Variants in ADGRL2 observed in about 807,000 individuals in gnomAD.
The protein encoded by ADGRL2 is calcium-independent alpha-latrotoxin receptor 2.
In ADGRL2, 44 loss-of-function variants were observed where a neutral mutation model predicts 157.4. The ratio of observed to expected loss-of-function variants is 0.28; its 90% CI spans 0.22 to 0.36. The LOEUF is 0.36. ADGRL2 is among the 10% of genes least tolerant of loss of function. ADGRL2 has a pLI of 1.00. For missense variants in ADGRL2, 1,510 were observed against 1,768.9 expected (o/e 0.85, Z 2.63); for synonymous variants, 585 against 624.7 (o/e 0.94, Z 0.95).
rs1056383208 is a variant in ADGRL2, at chr1:81,522,316, A to G, written c.-247-58560A>G. 2.0e-5 allele frequency among the ~76,000 whole-genome samples: 3 copies of G among 152,144 alleles called. No individual in the cohort carries two copies. In the East Asian group the frequency reaches 5.8e-4, roughly 29 times the overall value. On this transcript the variant is annotated intron_variant, in intron 2 of 24. Transcript: ENST00000370721. Reference sequence around the variant, plus strand: ...TTAATAAAATCAGTGCTAGGAATTGATGGAGTGGTTAGAATCAAGAAATTT... The same window carrying G: ...TTAATAAAATCAGTGCTAGGAATTGGTGGAGTGGTTAGAATCAAGAAATTT...
chr1:81,347,322 AC>A (rs1455819141), intron 1 of ADGRL2, among the ~76,000 whole-genome samples: 1 of 151,760 alleles, frequency 6.6e-6, no homozygotes, highest in East Asian at 1.9e-4. Flanking sequence ...AATCGCTTGA[AC>A]CCGGGAAGCA....
chr1:81,629,211 A>G (rs2081965408), intron 3 of ADGRL2, among the ~76,000 whole-genome samples: 2 of 152,216 alleles, frequency 1.3e-5, no homozygotes, highest in African/African-American at 4.8e-5. Flanking sequence ...AAATAGTAAT[A>G]AAAATAAAGG....
chr1:81,717,107 C>T (rs950054993), intron 1 of ADGRL2, among the ~76,000 whole-genome samples: 2 of 152,202 alleles, frequency 1.3e-5, no homozygotes, highest in Admixed American at 1.3e-4. Flanking sequence ...GTCATGTTGT[C>T]TCCATTTTCT....
chr1:81,594,830 A>C (rs1331937363), intron 3 of ADGRL2, among the ~76,000 whole-genome samples: 2 of 152,254 alleles, frequency 1.3e-5, no homozygotes, highest in Non-Finnish European at 2.9e-5. Context: ...AATCATTTTC[A>C]GTCCAAATGT....
intron 1 of ADGRL2, among the ~76,000 whole-genome samples, chr1:81,390,389 G>T (rs1476442989): frequency 9.8e-5 from 15 of 152,294 alleles, no homozygotes; most frequent in African/African-American, 3.6e-4. Flanking sequence ...TGCACAAAAA[G>T]GCACGAACCA....
At chr1:81,526,242 AGAATAACTTTT>A (rs57398628) in intron 2 of ADGRL2, among the ~76,000 whole-genome samples, 10,492 of 152,262 alleles carry the variant, frequency 0.069, 547 homozygotes, top group East Asian at 0.29. Context: ...ACAGGCATGC[AGAATAACTTTT>A]GAACCTATGG....
chr1:81,684,102 A>T (rs1174667314), intron 3 of ADGRL2, among the ~76,000 whole-genome samples: 1 of 152,198 alleles, frequency 6.6e-6, no homozygotes, highest in East Asian at 1.9e-4. Context: ...GGCGTGAGCC[A>T]CTGCGCCCGG....
intron 1 of ADGRL2, among the ~76,000 whole-genome samples, chr1:81,320,578 AT>A (rs879835785): frequency 4.6e-5 from 7 of 152,336 alleles, no homozygotes; most frequent in Admixed American, 4.6e-4. Flanking sequence ...GAAAAACAAC[AT>A]TCATTTCTTT....
At chr1:81,376,883 T>C (rs932645527) in intron 1 of ADGRL2, among the ~76,000 whole-genome samples, 2 of 152,186 alleles carry the variant, frequency 1.3e-5, no homozygotes, top group Non-Finnish European at 2.9e-5. Context: ...TCATGACTTT[T>C]TGTATTTATC....
chr1:81,676,502 T>C (rs1446285835), intron 3 of ADGRL2, among the ~76,000 whole-genome samples: 3 of 151,982 alleles, frequency 2.0e-5, no homozygotes, highest in South Asian at 4.2e-4. Flanking sequence ...TATTTCACTA[T>C]GTTGACTAGG....
intron 2 of ADGRL2, among the ~76,000 whole-genome samples, chr1:81,888,509 G>A (rs919983721): frequency 1.3e-5 from 2 of 151,906 alleles, no homozygotes; most frequent in Non-Finnish European, 2.9e-5. Flanking sequence ...GTGCAATCTC[G>A]CTCACTGCAA....
chr1:81,498,613 C>A (rs2078778599), intron 2 of ADGRL2, among the ~76,000 whole-genome samples: 1 of 152,144 alleles, frequency 6.6e-6, no homozygotes, highest in Non-Finnish European at 1.5e-5. Context: ...AGAGAGTTAA[C>A]ACTATGACAT....
At chr1:81,694,267 T>A (rs1426883982) in intron 3 of ADGRL2, among the ~76,000 whole-genome samples, 1 of 152,172 alleles carries the variant, frequency 6.6e-6, no homozygotes, top group Non-Finnish European at 1.5e-5. Context: ...AGTCTCCAGA[T>A]TCTACCTGAA....
At chr1:81,665,925 G>A (rs1179329759) in intron 3 of ADGRL2, among the ~76,000 whole-genome samples, 1 of 152,070 alleles carries the variant, frequency 6.6e-6, no homozygotes, top group African/African-American at 2.4e-5. Context: ...AAGTGTTCTC[G>A]TGAATGAGCT....
chr1:81,486,721 C>CA (rs1418193102), intron 2 of ADGRL2, among the ~76,000 whole-genome samples: 1 of 152,104 alleles, frequency 6.6e-6, no homozygotes, highest in African/African-American at 2.4e-5. Context: ...TTGAACAGCA[C>CA]ATGAAAATGT....
At chr1:81,779,620 A>G (rs1243779994) in intron 2 of ADGRL2, among the ~76,000 whole-genome samples, 1 of 152,108 alleles carries the variant, frequency 6.6e-6, no homozygotes, top group African/African-American at 2.4e-5. Flanking sequence ...TATCTTTTGC[A>G]TATGCTGTTT....
At chr1:81,869,998 G>A (rs1343515452) in intron 2 of ADGRL2, among the ~76,000 whole-genome samples, 1 of 151,652 alleles carries the variant, frequency 6.6e-6, no homozygotes, top group East Asian at 1.9e-4. Context: ...AGTAGGAAAT[G>A]CACATTTTCC....
intron 1 of ADGRL2, among the ~76,000 whole-genome samples, chr1:81,369,810 C>A (rs72713441): frequency 6.6e-6 from 1 of 152,154 alleles, no homozygotes; most frequent in Admixed American, 6.5e-5. Flanking sequence ...CACTTGTAAT[C>A]GTACAGGAAG....
At chr1:81,801,145 C>G (rs12065513) in intron 1 of ADGRL2, among the ~76,000 whole-genome samples, 77 bp downstream of exon 1, 2 of 152,058 alleles carry the variant, frequency 1.3e-5, no homozygotes, top group African/African-American at 4.8e-5. Context: ...GAGTGGAAAA[C>G]GGCCATTGGG....
Sources: gnomAD v4.1 joint callset for allele counts (sites outside exome capture counted in the v4.1 genomes callset) on GRCh38, gnomAD v4.1.1 for gene constraint, MANE v1.5 for transcripts, NCBI Gene and HGNC (gene_info 2026-07-23, HGNC 2026-07-21) for gene names.